Variants in PTPN14 observed in about 807,000 individuals in gnomAD.
The protein encoded by PTPN14 is protein tyrosine phosphatase non-receptor type 14.
Under a neutral mutation model 126.8 loss-of-function variants are expected in PTPN14, and 53 were observed. The ratio of observed to expected loss-of-function variants is 0.42; its 90% CI spans 0.34 to 0.53. The LOEUF is 0.53. Ranked by LOEUF, PTPN14 falls within the 20% of genes least tolerant of loss-of-function variation. The probability of loss-of-function intolerance (pLI) is 0.08; values close to 1 mark genes in which losing one functional copy is unlikely to be tolerated. For missense variants in PTPN14, 1,257 were observed against 1,552.9 expected, an observed-to-expected ratio of 0.81 and a Z score of 3.20; for synonymous variants, 630 against 599.3, an observed-to-expected ratio of 1.05 and a Z score of -0.75.
At chr1:214,462,628 T>C (rs1285036027) in intron 2 of PTPN14, among the ~76,000 whole-genome samples, 3 of 152,248 alleles carry the variant, frequency 2.0e-5, no homozygotes, top group East Asian at 1.9e-4. Context: ...GTGGGCTGGA[T>C]TGCACACTGC....
At chr1:214,479,602 T>C (rs1212986036) in intron 1 of PTPN14, among the ~76,000 whole-genome samples, 2 of 151,972 alleles carry the variant, frequency 1.3e-5, no homozygotes, top group East Asian at 3.9e-4. Flanking sequence ...GCCTCCCAAA[T>C]TGCTGAGATT....
At chr1:214,497,810 CTG>C in intron 1 of PTPN14, among the ~76,000 whole-genome samples, 1 of 151,866 alleles carries the variant, frequency 6.6e-6, no homozygotes, top group Non-Finnish European at 1.5e-5. Flanking sequence ...AGGAAAAGTT[CTG>C]TGAGGAAACA....
At chr1:214,490,237 G>A (rs1413920666) in intron 1 of PTPN14, among the ~76,000 whole-genome samples, 2 of 152,108 alleles carry the variant, frequency 1.3e-5, no homozygotes, top group African/African-American at 4.8e-5. Context: ...AAGTTACAAG[G>A]GGGAAATGTT....
At chr1:214,414,518 G>C (rs1387269898) in intron 4 of PTPN14, 111 bp downstream of exon 4, 2 of 939,248 alleles carry the variant, frequency 2.1e-6, no homozygotes, top group Non-Finnish European at 3.3e-6. Context: ...TAAAAAGGGA[G>C]CATTACTAAG....
intron 1 of PTPN14, among the ~76,000 whole-genome samples, chr1:214,500,641 A>G (rs1654661527): frequency 6.6e-6 from 1 of 152,150 alleles, no homozygotes; most frequent in Admixed American, 6.5e-5. Context: ...GAAACAATCA[A>G]TTCACCACAG....
intron 17 of PTPN14, among the ~76,000 whole-genome samples, chr1:214,368,835 T>C (rs962480886): frequency 6.6e-6 from 1 of 152,040 alleles, no homozygotes; most frequent in Non-Finnish European, 1.5e-5. Flanking sequence ...ATACAAAAAT[T>C]AGCTAGATGT....
intron 9 of PTPN14, among the ~76,000 whole-genome samples, chr1:214,394,283 G>A (rs1264807226): frequency 6.6e-6 from 1 of 152,174 alleles, no homozygotes; most frequent in Non-Finnish European, 1.5e-5. Context: ...ACTAGATGAG[G>A]GCTGTAACTA....
At chr1:214,506,065 C>T (rs534981274) in intron 1 of PTPN14, among the ~76,000 whole-genome samples, 1 of 152,200 alleles carries the variant, frequency 6.6e-6, no homozygotes, top group South Asian at 2.1e-4. Flanking sequence ...AGTGAGATTA[C>T]TATGAAGAAG....
chr1:214,393,077 T>C (rs1237528715), intron 10 of PTPN14, among the ~76,000 whole-genome samples: 1 of 152,204 alleles, frequency 6.6e-6, no homozygotes, highest in African/African-American at 2.4e-5. Context: ...GCACGCTCCA[T>C]CTGAGGTCAG....
At chr1:214,397,283 T>A (rs959106342) in intron 8 of PTPN14, among the ~76,000 whole-genome samples, 3 of 152,166 alleles carry the variant, frequency 2.0e-5, no homozygotes, top group Non-Finnish European at 4.4e-5. Context: ...CTTCCAATCA[T>A]GGGCCATGTT....
chr1:214,361,901 T>C (rs921078546), intron 18 of PTPN14, among the ~76,000 whole-genome samples: 2 of 152,200 alleles, frequency 1.3e-5, no homozygotes, highest in Admixed American at 1.3e-4. Context: ...CTGTGTTTCA[T>C]TGTTTCTGCT....
chr1:214,459,017 T>G (rs1027831210), intron 2 of PTPN14, among the ~76,000 whole-genome samples: 1 of 152,182 alleles, frequency 6.6e-6, no homozygotes, highest in African/African-American at 2.4e-5. Flanking sequence ...AACTTATCCC[T>G]GATTTTTCCC....
In PTPN14 at chr1:214,349,070, T is replaced by C. The variant is rs937375994; in HGVS notation, c.*8852A>G. ...AAAGTACAGTTGACATGAATAGTGA[T>C]AAAAATCACTCCCCAGCTTAGGGAA... is the stretch of plus-strand genomic sequence containing the variant. On this transcript the variant is annotated 3_prime_UTR_variant, in exon 19 of 19. Transcript: ENST00000366956. 4 of 152,202 alleles carry C rather than the reference T, an allele frequency of 2.6e-5. No homozygotes were observed. Among genetic ancestry groups the C allele is most frequent in the African/African-American group, 9.7e-5 (4 of 41,444 alleles). 9.4% of individuals were successfully genotyped at this position (152,202 alleles called of 1,614,324 possible).
rs372567962 is a variant in PTPN14 at position 214,383,356 on chromosome 1, C to T, written c.2499G>A (p.Met833Ile). 20 of 1,614,084 alleles carry T rather than the reference C, an allele frequency of 1.2e-5. No homozygotes were observed. Among genetic ancestry groups the T allele is most frequent in the Non-Finnish European group, 1.6e-5 (19 of 1,180,032 alleles). Residue 833 changes from methionine (M) to isoleucine (I), a missense_variant, in exon 13 of 19, where the codon ATG becomes ATA. Physicochemically the swap from Met to Ile is conservative, Grantham distance 10. Around this residue, in one of 3 missense-constraint regions of PTPN14, gnomAD observed 1,021 missense variants for 1,183.3 expected, o/e 0.86. Coordinates refer to ENST00000366956, the MANE Select transcript of PTPN14 (RefSeq NM_005401.5). This position sits in a 1 kb window ranked among gnomAD's most constrained non-coding sequence, Gnocchi z 4.4. Reference sequence around the variant, plus strand: ...CTATAATGCTGTCTTCCAGGGAAAACATTTCAGACACAGGTCTCTCCTTCA... The same window carrying T: ...CTATAATGCTGTCTTCCAGGGAAAATATTTCAGACACAGGTCTCTCCTTCA... ...EPVKERPVSE[M>I]FSLEDSIIER...
At chr1:214,480,907 G>C (rs983222494) in intron 1 of PTPN14, among the ~76,000 whole-genome samples, 1 of 152,144 alleles carries the variant, frequency 6.6e-6, no homozygotes, top group Admixed American at 6.5e-5. Context: ...GATATGAATA[G>C]AGCAGCAGAT....
In PTPN14 at chr1:214,410,341, C is replaced by T. The variant is rs574133880; in HGVS notation, c.510+1343G>A. Among the ~76,000 whole-genome samples, 3 of 148,330 alleles carry T rather than the reference C, an allele frequency of 2.0e-5. No homozygotes were observed. In the South Asian group the frequency reaches 6.4e-4, roughly 32 times the overall value. On this transcript the variant is annotated intron_variant, in intron 5 of 18. Transcript: ENST00000366956. ...GACAAAGTCTTGCTTTGTGGCCAGG[C>T]TGGAGTGCAGTGGCACAATCTCGGC...
At position 214,438,453 on chromosome 1, in the gene PTPN14, A is replaced by G. The variant is rs554668352; in HGVS notation, c.344+13352T>C. Among the ~76,000 whole-genome samples, 6 of 152,252 alleles carry G rather than the reference A, an allele frequency of 3.9e-5. No homozygotes were observed. In the South Asian group the frequency reaches 1.2e-3, roughly 32 times the overall value. On this transcript the variant is annotated intron_variant, in intron 3 of 18. Transcript: ENST00000366956. ...ATAACACAAAATGTTTGCTTAAATT[A>G]TTGTTTGCAATTCCACTTTTGGGAA...
intron 1 of PTPN14, among the ~76,000 whole-genome samples, chr1:214,550,911 A>G (rs1359707253): frequency 6.6e-6 from 1 of 152,200 alleles, no homozygotes; most frequent in African/African-American, 2.4e-5. Flanking sequence ...AGAGGGGACC[A>G]GGGTGTGGGT....
intron 18 of PTPN14, among the ~76,000 whole-genome samples, chr1:214,360,845 C>T (rs1300449286): frequency 1.3e-5 from 2 of 152,168 alleles, no homozygotes; most frequent in African/African-American, 4.8e-5. Context: ...ACTGGAAATC[C>T]CCAGTGTTGG....
Sources: gnomAD v4.1 joint callset for allele counts (sites outside exome capture counted in the v4.1 genomes callset) on GRCh38, gnomAD v4.1.1 for gene constraint, gnomAD v4.1.1 regional missense constraint, Gnocchi (gnomAD v3.1) non-coding constraint, MANE v1.5 for transcripts, NCBI Gene and HGNC (gene_info 2026-07-23, HGNC 2026-07-21) for gene names.